USP28: variants seen among roughly 807,000 people sequenced by gnomAD.
USP28 encodes the protein ubiquitin specific peptidase 28.
In USP28, 113 loss-of-function variants were observed where a neutral mutation model predicts 145.0. That is an observed-to-expected ratio of 0.78 (90% CI 0.67 to 0.91). The LOEUF (loss-of-function observed/expected upper bound fraction) is 0.91. Among genes scored for constraint, USP28 ranks in the 40% least tolerant of loss-of-function variants. The pLI, the probability that USP28 is intolerant of heterozygous loss-of-function variation, is 0.00. For missense variants in USP28, 1,201 were observed against 1,289.6 expected, an observed-to-expected ratio of 0.93 and a Z score of 1.05; for synonymous variants, 447 against 450.9, an observed-to-expected ratio of 0.99 and a Z score of 0.11.
At chr11:113,861,866 A>G (rs1947732043) in intron 1 of USP28, among the ~76,000 whole-genome samples, 1 of 152,238 alleles carries the variant, frequency 6.6e-6, no homozygotes, top group Admixed American at 6.5e-5. Flanking sequence ...TATCGAACAC[A>G]TCTCCAAAAA....
At chr11:113,817,466 C>T (rs1277330629) in intron 13 of USP28, among the ~76,000 whole-genome samples, 192 bp downstream of exon 13, 1 of 152,132 alleles carries the variant, frequency 6.6e-6, no homozygotes, top group Admixed American at 6.5e-5. Context: ...AACCATTCTA[C>T]GGATAAGACA....
chr11:113,803,226 G>A (rs767316257), exon 23 of USP28: 2 of 1,614,070 alleles, frequency 1.2e-6, no homozygotes, highest in South Asian at 1.1e-5. Flanking sequence ...CCCTTCATCA[G>A]CAGGGCAGCA....
exon 25 of USP28, chr11:113,799,303 T>A: frequency 6.2e-7 from 1 of 1,614,150 alleles, no homozygotes; most frequent in Non-Finnish European, 8.5e-7. Flanking sequence ...ATCGGCTACA[T>A]AGGTCATAGG....
Position 113,841,771 on chromosome 11 carries a change from G to A in USP28, c.269-3C>T. On this transcript the variant is annotated splice_polypyrimidine_tract_variant and splice_region_variant and intron_variant, in intron 3 of 24. Transcript: ENST00000003302. ...ATCATGAGTAAGGTCTATAACTTCT[G>A]TAAGATAAACAGAAATTTAATTAGT... 2 of 1,602,288 alleles carry A rather than the reference G, an allele frequency of 1.2e-6. No individual in the cohort carries two copies. The highest frequency in any genetic ancestry group is 2.2e-5 in the East Asian group (1 of 44,688).
exon 23 of USP28, chr11:113,803,203 C>A: frequency 6.2e-7 from 1 of 1,614,020 alleles, no homozygotes; most frequent in Non-Finnish European, 8.5e-7. Context: ...ATTCTTTGAC[C>A]CCCCGGCGGG....
chr11:113,850,193 C>T (rs1461600173), intron 3 of USP28, among the ~76,000 whole-genome samples: 1 of 152,110 alleles, frequency 6.6e-6, no homozygotes, highest in Non-Finnish European at 1.5e-5. Flanking sequence ...TTGGAAAAGA[C>T]TGTCATTACC....
intron 1 of USP28, among the ~76,000 whole-genome samples, chr11:113,866,372 A>T (rs962001136): frequency 6.6e-6 from 1 of 152,232 alleles, no homozygotes; most frequent in East Asian, 1.9e-4. Flanking sequence ...AATACTTTTA[A>T]ATCATTTATC....
chr11:113,830,864 T>C lies in USP28; in HGVS notation c.910+3A>G. The C allele has an allele frequency of 6.2e-7, 1 of 1,613,624 alleles. No homozygotes were observed. The highest frequency in any genetic ancestry group is 8.5e-7 in the Non-Finnish European group (1 of 1,179,648). ...GAATTAAAATTCAGAGCAGAGAATT[T>C]ACCTTCACGAACCCCTTCAGTCAGG... is the stretch of plus-strand genomic sequence containing the variant. On this transcript the variant is annotated splice_donor_region_variant and intron_variant, in intron 9 of 24. Transcript: ENST00000003302.
At chr11:113,850,945 T>C (rs1262899113) in intron 3 of USP28, among the ~76,000 whole-genome samples, 1 of 152,184 alleles carries the variant, frequency 6.6e-6, no homozygotes, top group East Asian at 1.9e-4. Flanking sequence ...TTCCCCAAAC[T>C]GATCTCTTCA....
At chr11:113,836,081 C>G (rs1591333382) in intron 5 of USP28, among the ~76,000 whole-genome samples, 2 of 150,522 alleles carry the variant, frequency 1.3e-5, no homozygotes, top group South Asian at 2.1e-4. Context: ...TGTCTCAAAA[C>G]AAAAAAAAAG....
intron 3 of USP28, among the ~76,000 whole-genome samples, chr11:113,846,702 A>G (rs1945886864): frequency 1.3e-5 from 2 of 152,232 alleles, no homozygotes; most frequent in Admixed American, 1.3e-4. Context: ...AAATTATCCA[A>G]TTATCAGGCT....
chr11:113,799,226 G>A (rs964655605), exon 25 of USP28: 2 of 1,608,686 alleles, frequency 1.2e-6, no homozygotes, highest in Non-Finnish European at 1.7e-6. Flanking sequence ...AATGGGCCTT[G>A]AACATGTGGG....
In USP28 at chr11:113,803,215, C is replaced by A. The variant is rs201095177; in HGVS notation, c.2805G>T (p.Gly935=). The change falls in exon 23 of 25, where the codon GGG becomes GGT. Residue 935 remains glycine (G), a synonymous_variant. Transcript: ENST00000003302. ...CGGATTCTTTGACCCCCCGGCGGGG[C>A]CCCTTCATCAGCAGGGCAGCATTGC... The A allele has an allele frequency of 3.7e-6, 6 of 1,613,988 alleles. No individual in the cohort carries two copies. The East Asian group carries it at 6.7e-5, about 18-fold the overall frequency.
intron 5 of USP28, among the ~76,000 whole-genome samples, chr11:113,837,235 A>G (rs1018664734): frequency 2.0e-5 from 3 of 152,200 alleles, no homozygotes; most frequent in African/African-American, 7.2e-5. Context: ...TTTACATTCC[A>G]TGTGGGCACA....
Position 113,875,371 on chromosome 11 carries a change from C to T in USP28, c.57+74G>A, listed in dbSNP as rs1266430209. On this transcript the variant is annotated intron_variant, in intron 1 of 24. Coordinates refer to ENST00000003302, the Ensembl canonical transcript of USP28. ...GCCCTCCGCAGCCCGCAACCCGCAGCCCTGCAGGCCCCGCACGCTCCCCTC... is the reference window on the plus strand; with the variant it reads ...GCCCTCCGCAGCCCGCAACCCGCAGTCCTGCAGGCCCCGCACGCTCCCCTC... 3 of 1,125,174 alleles carry T rather than the reference C, an allele frequency of 2.7e-6. No individual in the cohort carries two copies. The African/African-American group carries it at 5.0e-5, about 19-fold the overall frequency. 69.7% of individuals were successfully genotyped at this position (1,125,174 alleles called of 1,614,324 possible).
intron 12 of USP28, chr11:113,820,973 TC>T (rs1322561338): frequency 5.9e-6 from 1 of 168,996 alleles, no homozygotes; most frequent in Non-Finnish European, 1.3e-5. Flanking sequence ...AACCCAGATG[TC>T]CCAATTCAGC....
At chr11:113,836,045 A>T (rs1179597612) in intron 5 of USP28, among the ~76,000 whole-genome samples, 1 of 152,180 alleles carries the variant, frequency 6.6e-6, no homozygotes, top group Non-Finnish European at 1.5e-5. Context: ...ACCATTGCAT[A>T]CCAGCCAGGG....
intron 23 of USP28, among the ~76,000 whole-genome samples, 170 bp downstream of exon 24, chr11:113,802,988 A>G (rs1939309692): frequency 6.6e-6 from 1 of 152,164 alleles, no homozygotes; most frequent in Non-Finnish European, 1.5e-5. Flanking sequence ...GACATTCACT[A>G]AAAGTAACTG....
rs1940565004 is a variant in USP28 at position 113,809,259 on chromosome 11, G to C, written c.1973-5C>G. 1.2e-6 allele frequency: 2 copies of C among 1,609,966 alleles called. No homozygotes were observed. The highest frequency in any genetic ancestry group is 1.7e-6 in the Non-Finnish European group (2 of 1,178,210). ...CTGATTCAGTTGGGGCTGCCTCTGA[G>C]GAAAAGCAAAGATAGAGTTAAAAGG... On this transcript the variant is annotated splice_polypyrimidine_tract_variant and splice_region_variant and intron_variant, in intron 16 of 24. Transcript: ENST00000003302.
Sources: allele counts gnomAD v4.1 joint callset (sites outside exome capture counted in the v4.1 genomes callset), GRCh38; gene constraint gnomAD v4.1.1; transcripts MANE v1.5; gene names NCBI Gene and HGNC (gene_info 2026-07-23, HGNC 2026-07-21).